The following VEZT variants were observed in gnomAD, a reference collection of about 807,000 sequenced individuals.
VEZT encodes vezatin, adherens junctions transmembrane protein.
Under a neutral mutation model 79.9 loss-of-function variants are expected in VEZT, and 39 were observed. That is an observed-to-expected ratio of 0.49 (90% CI 0.38 to 0.64). The LOEUF is 0.64. Ranked by LOEUF, VEZT falls within the 30% of genes least tolerant of loss-of-function variation. The pLI is 0.00. For synonymous variants in VEZT, 325 were observed against 327.6 expected, an observed-to-expected ratio of 0.99 and a Z score of 0.09; for missense variants, 837 against 893.1, an observed-to-expected ratio of 0.94 and a Z score of 0.80.
In VEZT at chr12:95,302,713, T is replaced by C. The variant is rs1383036052; in HGVS notation, c.*2040T>C. ...TTTTTAAAATGCAAATTTTAGACCA[T>C]ACTCCCAGTGATTCTTAGTTGGTCT... On this transcript the variant is annotated 3_prime_UTR_variant, in exon 12 of 12. Transcript: ENST00000436874. 6.6e-6 allele frequency: 1 copy of C among 152,188 alleles called. No individual in the cohort carries two copies. Among genetic ancestry groups the C allele is most frequent in the Non-Finnish European group, 1.5e-5 (1 of 68,038 alleles). The allele number at this position is 152,188 out of a possible 1,614,324, so 9.4% of individuals were successfully genotyped here. A position where few individuals can be genotyped will look rare whatever the true frequency, so the allele number is the denominator to read the frequency against.
At position 95,262,939 on chromosome 12, in the gene VEZT, A is replaced by G. The variant is rs1281717613; in HGVS notation, c.292A>G (p.Ile98Val). 6.2e-7 allele frequency: 1 copy of G among 1,610,332 alleles called. No homozygotes were observed. Among genetic ancestry groups the G allele is most frequent in the Admixed American group, 1.7e-5 (1 of 59,930 alleles). The change falls in exon 4 of 12, where the codon ATC becomes GTC. Residue 98 changes from isoleucine (I) to valine (V), a missense_variant. Ile to Val is a conservative substitution (Grantham distance 29). Transcript: ENST00000436874. ...ATTCCGACTCGACTCATTACATACC[A>G]TCCTGCAACAGGAAGTCCTGTTACA... Reference protein sequence around the residue: ...IGFRLDSLHTILQQEVLLQED... With the variant: ...IGFRLDSLHTVLQQEVLLQED...
At chr12:95,223,456 TTTTG>T (rs1339254907) in intron 1 of VEZT, among the ~76,000 whole-genome samples, 2 of 152,180 alleles carry the variant, frequency 1.3e-5, no homozygotes, top group Non-Finnish European at 2.9e-5. Flanking sequence ...CTTTTCTTTT[TTTTG>T]AGACAGAGTT....
At chr12:95,259,231 A>C (rs1262532937) in intron 3 of VEZT, among the ~76,000 whole-genome samples, 4 of 148,914 alleles carry the variant, frequency 2.7e-5, no homozygotes, top group Non-Finnish European at 5.9e-5. Context: ...TTCAATAAGC[A>C]CTCCTAGCTT....
Position 95,274,901 on chromosome 12 carries a change from G to A in VEZT, c.996+12G>A. On this transcript the variant is annotated intron_variant, in intron 7 of 11. Coordinates refer to ENST00000436874, the MANE Select transcript of VEZT (RefSeq NM_017599.4). Reference sequence around the variant, plus strand: ...TGCCTGCATTGAAGGTAATCCATTTGTGTAAGGGAAGGGCTGAAGAAAAAA... The same window carrying A: ...TGCCTGCATTGAAGGTAATCCATTTATGTAAGGGAAGGGCTGAAGAAAAAA... The A allele has an allele frequency of 6.2e-7, 1 of 1,610,012 alleles. No homozygotes were observed. The highest frequency in any genetic ancestry group is 8.5e-7 in the Non-Finnish European group (1 of 1,178,588).
chr12:95,242,876 CAAAAAA>C (rs367689756), intron 1 of VEZT, among the ~76,000 whole-genome samples: 1 of 64,272 alleles, frequency 1.6e-5, no homozygotes, highest in African/African-American at 5.3e-5. Context: ...TCCATCTCAC[CAAAAAA>C]AAAAAAAAAA....
chr12:95,295,935 T>C (rs1462922018), intron 10 of VEZT, 116 bp from the exon 11 acceptor site: 1 of 756,796 alleles, frequency 1.3e-6, no homozygotes, highest in East Asian at 2.8e-5. Flanking sequence ...TAATGACCTG[T>C]GCCAAATGCA....
chr12:95,254,218 C>G (rs1204628707), intron 2 of VEZT, among the ~76,000 whole-genome samples: 1 of 151,880 alleles, frequency 6.6e-6, no homozygotes, highest in Non-Finnish European at 1.5e-5. Flanking sequence ...GTCTCAAACT[C>G]CTGACTTCAA....
chr12:95,225,503 G>A (rs1204221977), intron 1 of VEZT, among the ~76,000 whole-genome samples: 2 of 152,090 alleles, frequency 1.3e-5, no homozygotes, highest in African/African-American at 4.8e-5. Flanking sequence ...CTTGCAGTGA[G>A]CCAAGATCGC....
chr12:95,246,189 C>T (rs2061692344), intron 1 of VEZT, among the ~76,000 whole-genome samples: 1 of 151,432 alleles, frequency 6.6e-6, no homozygotes, highest in East Asian at 1.9e-4. Context: ...GTGGCGGGAT[C>T]TCAGCTCACT....
chr12:95,285,159 T>C (rs1380881898), intron 8 of VEZT, among the ~76,000 whole-genome samples: 2 of 151,154 alleles, frequency 1.3e-5, no homozygotes, highest in Non-Finnish European at 2.9e-5. Context: ...AGAACAAGCT[T>C]CCGGCCAGGC....
chr12:95,225,414 G>A (rs1380223416), intron 1 of VEZT, among the ~76,000 whole-genome samples: 7 of 151,994 alleles, frequency 4.6e-5, no homozygotes, highest in African/African-American at 1.7e-4. Flanking sequence ...GAAATTAGCC[G>A]GGCTTGGTGG....
At position 95,266,607 on chromosome 12, in the gene VEZT, G is replaced by C; in HGVS notation, c.685G>C (p.Glu229Gln). The change falls in exon 5 of 12, where the codon GAA (glutamate) becomes CAA (glutamine). Residue 229 changes from glutamate to glutamine, a missense_variant. Transcript: ENST00000436874. ...RKALRLIQET[E>Q]VISRGFTLVS... ...AGCTTTACGTCTCATTCAAGAAACC[G>C]AAGTGATTTCCAGAGGATTTACACT... The C allele has an allele frequency of 6.2e-7, 1 of 1,611,432 alleles. No individual in the cohort carries two copies. The highest frequency in any genetic ancestry group is 8.5e-7 in the Non-Finnish European group (1 of 1,179,258).
intron 9 of VEZT, among the ~76,000 whole-genome samples, chr12:95,288,832 T>C (rs1047396614): frequency 6.6e-6 from 1 of 152,184 alleles, no homozygotes; most frequent in African/African-American, 2.4e-5. Flanking sequence ...CAAATACTTA[T>C]GCATATTAAA....
At chr12:95,264,869 C>CTTTTTTTTTT (rs71078693) in intron 4 of VEZT, among the ~76,000 whole-genome samples, 201 of 113,288 alleles carry the variant, frequency 1.8e-3, no homozygotes, top group Middle Eastern at 6.0e-3. Flanking sequence ...CTTTTCTTTT[C>CTTTTTTTTTT]TTTTTTTTTT....
chr12:95,283,131 G>A (rs1175565601), intron 8 of VEZT, among the ~76,000 whole-genome samples: 4 of 152,088 alleles, frequency 2.6e-5, no homozygotes, highest in African/African-American at 9.7e-5. Context: ...CAAGCTTTGT[G>A]GTCCCAGTTG....
At chr12:95,240,355 A>G (rs1831463134) in intron 1 of VEZT, among the ~76,000 whole-genome samples, 1 of 152,194 alleles carries the variant, frequency 6.6e-6, no homozygotes, top group Non-Finnish European at 1.5e-5. Context: ...AATTTTTTAA[A>G]TAAGGAAAAT....
At chr12:95,255,972 C>G (rs991242775) in intron 2 of VEZT, among the ~76,000 whole-genome samples, 1 of 152,158 alleles carries the variant, frequency 6.6e-6, no homozygotes, top group Non-Finnish European at 1.5e-5. Context: ...TGGGTCATAA[C>G]TGTCCTGGAG....
Position 95,266,513 on chromosome 12 carries a change from A to T in VEZT, c.591A>T (p.Leu197=), listed in dbSNP as rs759092389. 3.1e-5 allele frequency: 50 copies of T among 1,613,806 alleles called. 1 individual carries two copies. In the South Asian group the frequency reaches 5.4e-4, roughly 17 times the overall value. Residue 197 remains leucine (L), a synonymous_variant, in exon 5 of 12, where the codon CTA becomes CTT. Transcript: ENST00000436874. ...GGACAGCCAAACTACAAGTGACCCT[A>T]AAAAAATACAGCGTTCATTTGGAAG... The part of the protein sequence containing the change: ...LWRTAKLQVT[L]KKYSVHLEDM...
chr12:95,240,080 A>T, intron 1 of VEZT, among the ~76,000 whole-genome samples: 1 of 134,856 alleles, frequency 7.4e-6, no homozygotes, highest in Non-Finnish European at 1.6e-5. Flanking sequence ...AAGGAAGAAA[A>T]GAAAGAGGAA....
Sources: allele counts gnomAD v4.1 joint callset (sites outside exome capture counted in the v4.1 genomes callset), GRCh38; gene constraint gnomAD v4.1.1; transcripts MANE v1.5; gene names NCBI Gene and HGNC (gene_info 2026-07-23, HGNC 2026-07-21).